The following ABLIM1 variants were observed in gnomAD, a reference collection of about 807,000 sequenced individuals.
ABLIM1 encodes the protein actin binding LIM protein 1, also known as actin-binding LIM protein 1.
ABLIM1 carries 40 observed loss-of-function variants against 107.0 expected under a neutral mutation model. The observed-to-expected ratio is 0.37, with a 90% CI of 0.29 to 0.49. ABLIM1 has a LOEUF of 0.49. Ranked by LOEUF, ABLIM1 falls within the 20% of genes least tolerant of loss-of-function variation. The probability of loss-of-function intolerance (pLI) is 0.97; values close to 1 mark genes in which losing one functional copy is unlikely to be tolerated. For missense variants in ABLIM1, 857 were observed against 1,008.5 expected, an observed-to-expected ratio of 0.85 and a Z score of 2.04; for synonymous variants, 357 against 357.3, an observed-to-expected ratio of 1.00 and a Z score of 0.01.
intron 2 of ABLIM1, among the ~76,000 whole-genome samples, chr10:114,598,387 C>A (rs112854619): frequency 4.0e-5 from 6 of 150,820 alleles, no homozygotes; most frequent in Non-Finnish European, 8.8e-5. Flanking sequence ...GAGATAGAGA[C>A]CATCCTGGCC....
upstream of ABLIM1, among the ~76,000 whole-genome samples, chr10:114,659,493 A>T (rs2079687433): frequency 6.6e-6 from 1 of 152,156 alleles, no homozygotes; most frequent in African/African-American, 2.4e-5. Flanking sequence ...CTCCTAGGTG[A>T]CCGGGCAAGA....
At position 114,571,334 on chromosome 10, in the gene ABLIM1, C is replaced by A; in HGVS notation, c.636G>T (p.Pro212=). The stretch of plus-strand genomic sequence containing the variant: ...TGGTTTCTTTCGGACTGGACGACAT[C>A]GGCTGTGCACAGAGTTGACAAAGGC... The part of the protein sequence containing the change: ...RDCLCQLCAQ[P]MSSSPKETTF... Residue 212 remains proline (P), a synonymous_variant, in exon 4 of 23, where the codon CCG becomes CCT. Transcript: ENST00000533213. The A allele has an allele frequency of 1.9e-6, 3 of 1,614,162 alleles. No individual in the cohort carries two copies. The highest frequency in any genetic ancestry group is 2.5e-6 in the Non-Finnish European group (3 of 1,180,030).
rs2060649269 is a variant in ABLIM1, at chr10:114,444,094, A to G, written c.1868T>C (p.Met623Thr). Reference protein sequence around the residue: ...GLGQLILKEEMEKESRERSSL... With the variant: ...GLGQLILKEETEKESRERSSL... Reference sequence around the variant, plus strand: ...TGACCTTTCCCGGCTCTCTTTCTCCATCTCTTCTTTCAAGATCAACTGTCC... The same window carrying G: ...TGACCTTTCCCGGCTCTCTTTCTCCGTCTCTTCTTTCAAGATCAACTGTCC... Residue 623 changes from methionine to threonine, a missense_variant, in exon 17 of 23, where the codon ATG (methionine) becomes ACG (threonine). Transcript: ENST00000533213. 1.2e-6 allele frequency: 2 copies of G among 1,611,716 alleles called. No individual in the cohort carries two copies. The highest frequency in any genetic ancestry group is 1.7e-5 in the Admixed American group (1 of 59,644).
upstream of ABLIM1, chr10:114,658,406 G>T: frequency 1.1e-6 from 1 of 907,810 alleles, no homozygotes; most frequent in Non-Finnish European, 1.5e-6. Flanking sequence ...TATAAAAACA[G>T]CCACTACCAG....
intron 1 of ABLIM1, among the ~76,000 whole-genome samples, chr10:114,642,128 A>G (rs973728973): frequency 2.6e-5 from 4 of 152,058 alleles, no homozygotes; most frequent in Admixed American, 2.6e-4. Context: ...CCTGGCCTCA[A>G]GTGATCCTCC....
At chr10:114,796,979 C>G in the ABLIM1 span, among the ~76,000 whole-genome samples, 1 of 152,158 alleles carries the variant, frequency 6.6e-6, no homozygotes, top group Non-Finnish European at 1.5e-5. Flanking sequence ...ATGCCTTTCC[C>G]ATACACTCCA....
At chr10:114,645,655 C>G (rs998290860) in intron 1 of ABLIM1, among the ~76,000 whole-genome samples, 1 of 152,128 alleles carries the variant, frequency 6.6e-6, no homozygotes, top group Admixed American at 6.5e-5. Context: ...TCAAGAAAAT[C>G]AATCATTAAT....
intron 2 of ABLIM1, among the ~76,000 whole-genome samples, chr10:114,598,089 T>G (rs1209846073): frequency 6.6e-6 from 1 of 151,976 alleles, no homozygotes; most frequent in African/African-American, 2.4e-5. Flanking sequence ...CTGGTCAATA[T>G]GGTAAAACCC....
In ABLIM1 at chr10:114,744,552, A is replaced by T. The variant is rs1462303242; in HGVS notation, c.-213+23509T>A. ...TCCCAGGGACACAGGAGGCTGAGGC[A>T]GGAGGATTGCTTGAGTCCACAAAGT... On this transcript the variant is annotated intron_variant, in intron 1 of 15. Coordinates refer to the ABLIM1 transcript ENST00000651092. 5.3e-5 allele frequency among the ~76,000 whole-genome samples: 8 copies of T among 152,358 alleles called. 1 individual carries two copies. Among genetic ancestry groups the T allele is most frequent in the South Asian group, 4.1e-4 (2 of 4,822 alleles).
At chr10:114,503,343 T>G (rs1274131028) in intron 6 of ABLIM1, among the ~76,000 whole-genome samples, 1 of 151,962 alleles carries the variant, frequency 6.6e-6, no homozygotes, top group Non-Finnish European at 1.5e-5. Flanking sequence ...CCCAGCTAAT[T>G]GGTAGGCTGA....
At chr10:114,488,609 C>T (rs915278726) in intron 7 of ABLIM1, among the ~76,000 whole-genome samples, 1 of 152,144 alleles carries the variant, frequency 6.6e-6, no homozygotes, top group Non-Finnish European at 1.5e-5. Flanking sequence ...AAGTAATTTT[C>T]TAAAAAGTCT....
rs574240209 is a variant in ABLIM1 at position 114,718,956 on chromosome 10, G to A, written c.-213+49105C>T. On this transcript the variant is annotated intron_variant, in intron 1 of 15. Coordinates refer to the ABLIM1 transcript ENST00000651092. ...AGTGGCTACCTCCAGGAGTATAAGT[G>A]GGGCCTATAGTCAGAGGATGCCCTC... 2.6e-4 allele frequency among the ~76,000 whole-genome samples: 39 copies of A among 152,270 alleles called. 1 individual carries two copies. In the Middle Eastern group the frequency reaches 0.017, roughly 66 times the overall value.
chr10:114,775,553 G>A, the ABLIM1 span, among the ~76,000 whole-genome samples: 54 of 152,248 alleles, frequency 3.5e-4, 2 homozygotes, highest in South Asian at 0.011. Context: ...GCCACAGTAA[G>A]TTCTCAGTGT....
At chr10:114,667,068 T>C (rs2080056203) in intron 1 of ABLIM1, among the ~76,000 whole-genome samples, 1 of 152,202 alleles carries the variant, frequency 6.6e-6, no homozygotes, top group Non-Finnish European at 1.5e-5. Flanking sequence ...TTCACAGGCC[T>C]ACCATGGCCT....
chr10:114,530,243 G>A (rs1224147394), intron 6 of ABLIM1, among the ~76,000 whole-genome samples: 2 of 152,120 alleles, frequency 1.3e-5, no homozygotes, highest in Non-Finnish European at 2.9e-5. Context: ...GCTAAAATCT[G>A]TTCCAAAGGG....
chr10:114,478,532 C>T (rs1337267746), intron 8 of ABLIM1, among the ~76,000 whole-genome samples: 1 of 152,156 alleles, frequency 6.6e-6, no homozygotes, highest in Non-Finnish European at 1.5e-5. Context: ...CTCACGAGAC[C>T]TGGTGGTTTT....
upstream of ABLIM1, among the ~76,000 whole-genome samples, chr10:114,686,525 A>G (rs2141652738): frequency 6.6e-6 from 1 of 150,982 alleles, no homozygotes; most frequent in East Asian, 2.0e-4. Flanking sequence ...AAAAAAAAAC[A>G]AAAACAAAAG....
intron 6 of ABLIM1, among the ~76,000 whole-genome samples, chr10:114,499,295 A>G (rs2060082827): frequency 2.0e-5 from 3 of 152,236 alleles, no homozygotes; most frequent in Admixed American, 2.0e-4. Flanking sequence ...AGATCACTAA[A>G]TGAAGTCACT....
intron 21 of ABLIM1, among the ~76,000 whole-genome samples, chr10:114,438,810 G>T (rs1351113405): frequency 1.3e-5 from 2 of 152,226 alleles, no homozygotes; most frequent in African/African-American, 4.8e-5. Flanking sequence ...CAGGACTGAG[G>T]TTCTTGAAAT....
Sources: gnomAD v4.1 joint callset for allele counts (sites outside exome capture counted in the v4.1 genomes callset) on GRCh38, gnomAD v4.1.1 for gene constraint, MANE v1.5 for transcripts, NCBI Gene and HGNC (gene_info 2026-07-23, HGNC 2026-07-21) for gene names.